The following COLEC10 variants were observed in gnomAD, a reference collection of about 807,000 sequenced individuals.
The protein encoded by COLEC10 is collectin-10.
A neutral mutation model predicts 28.4 loss-of-function variants in COLEC10; 22 were observed. That is an observed-to-expected ratio of 0.78 (90% CI 0.55 to 1.11). The LOEUF is 1.11. COLEC10 is among the 50% of genes least tolerant of loss of function. The probability of loss-of-function intolerance (pLI) is 0.00; values close to 1 mark genes in which losing one functional copy is unlikely to be tolerated. For missense variants in COLEC10, 361 were observed against 344.1 expected (o/e 1.05, Z -0.39); for synonymous variants, 125 against 116.1 (o/e 1.08, Z -0.49).
chr8:119,023,816 A>G (rs1016151286), intron 2 of COLEC10, among the ~76,000 whole-genome samples: 1 of 152,200 alleles, frequency 6.6e-6, no homozygotes, highest in Admixed American at 6.6e-5. Flanking sequence ...ATTTGAAATC[A>G]GAGGAATAGA....
At chr8:119,037,853 A>T (rs968081827) in intron 2 of COLEC10, among the ~76,000 whole-genome samples, 1 of 152,218 alleles carries the variant, frequency 6.6e-6, no homozygotes, top group African/African-American at 2.4e-5. Flanking sequence ...TCATTCTATA[A>T]AAGCAATAAT....
intron 2 of COLEC10, among the ~76,000 whole-genome samples, chr8:119,029,520 A>G (rs533087618): frequency 2.0e-5 from 3 of 152,286 alleles, no homozygotes; most frequent in African/African-American, 7.2e-5. Flanking sequence ...ACACAAAACA[A>G]TAAGTGTAAA....
the COLEC10 span, among the ~76,000 whole-genome samples, chr8:118,974,116 T>C: frequency 2.0e-5 from 3 of 151,966 alleles, no homozygotes; most frequent in African/African-American, 7.2e-5. Flanking sequence ...TTCTAGTCTA[T>C]GCTATCTATA....
intron 1 of COLEC10, among the ~76,000 whole-genome samples, chr8:119,005,061 A>G (rs898314349): frequency 1.3e-5 from 2 of 152,224 alleles, no homozygotes; most frequent in East Asian, 3.9e-4. Flanking sequence ...GATAAAATCT[A>G]AAATATTTTT....
chr8:119,101,370 A>G (rs966257388), intron 3 of COLEC10, among the ~76,000 whole-genome samples: 1 of 152,168 alleles, frequency 6.6e-6, no homozygotes, highest in African/African-American at 2.4e-5. Context: ...AACCTCAGCC[A>G]AACATTTCTT....
At chr8:118,958,613 CAAA>C in the COLEC10 span, among the ~76,000 whole-genome samples, 1 of 152,196 alleles carries the variant, frequency 6.6e-6, no homozygotes, top group African/African-American at 2.4e-5. Flanking sequence ...TACGTTTACA[CAAA>C]TTTAGCATTC....
chr8:118,993,794 C>T (rs1253272192), upstream of COLEC10, among the ~76,000 whole-genome samples: 1 of 152,162 alleles, frequency 6.6e-6, no homozygotes, highest in Non-Finnish European at 1.5e-5. Flanking sequence ...AATATAGTCA[C>T]ATTCTGAGAT....
At position 119,107,661 on chromosome 8, in the gene COLEC10, G is replaced by A. The variant is rs1181770939; in HGVS notation, c.*1470G>A. ...GGCCATAAACTCAGATCCTACAGGG[G>A]CCAGGCAGATGACTTACCTAAATGA... On this transcript the variant is annotated 3_prime_UTR_variant, in exon 6 of 6. Transcript: ENST00000332843. 1.3e-5 allele frequency among the ~76,000 whole-genome samples: 2 copies of A among 152,134 alleles called. No individual in the cohort carries two copies. Among genetic ancestry groups the A allele is most frequent in the Admixed American group, 1.3e-4 (2 of 15,250 alleles).
intron 3 of COLEC10, among the ~76,000 whole-genome samples, chr8:119,091,804 A>G (rs1045367545): frequency 3.9e-5 from 6 of 152,188 alleles, no homozygotes; most frequent in African/African-American, 1.4e-4. Context: ...AAATGAAACA[A>G]GATGGCAGAA....
chr8:119,007,288 A>G (rs1254597822), intron 1 of COLEC10, among the ~76,000 whole-genome samples: 5 of 152,156 alleles, frequency 3.3e-5, no homozygotes, highest in African/African-American at 4.8e-5. Flanking sequence ...GACTTTGGAT[A>G]GAACCTACAT....
chr8:118,979,553 T>C, the COLEC10 span, among the ~76,000 whole-genome samples: 2,377 of 152,154 alleles, frequency 0.016, 63 homozygotes, highest in African/African-American at 0.054. Flanking sequence ...CTCTGATATG[T>C]TTGTAAACAT....
the COLEC10 span, among the ~76,000 whole-genome samples, chr8:118,980,469 A>T: frequency 6.6e-6 from 1 of 152,206 alleles, no homozygotes; most frequent in East Asian, 1.9e-4. Flanking sequence ...CTAGGATTAC[A>T]GGCGTGAACC....
intron 2 of COLEC10, among the ~76,000 whole-genome samples, chr8:119,052,950 G>T (rs1404498979): frequency 1.3e-5 from 2 of 152,136 alleles, no homozygotes; most frequent in African/African-American, 4.8e-5. Context: ...GAACCAAGAA[G>T]AGAGGGGAAG....
At chr8:118,980,678 A>G in the COLEC10 span, among the ~76,000 whole-genome samples, 1 of 152,084 alleles carries the variant, frequency 6.6e-6, no homozygotes, top group East Asian at 1.9e-4. Flanking sequence ...ATGTTGTTCA[A>G]GATAGTACCA....
chr8:119,037,991 T>G (rs940275258), intron 2 of COLEC10, among the ~76,000 whole-genome samples: 1 of 152,206 alleles, frequency 6.6e-6, no homozygotes, highest in African/African-American at 2.4e-5. Flanking sequence ...TGACACATAA[T>G]AGAGGCTCAA....
chr8:118,976,767 A>G, the COLEC10 span: 1 of 152,212 alleles, frequency 6.6e-6, no homozygotes, highest in South Asian at 2.1e-4. Flanking sequence ...ATTAAACTAA[A>G]GAGCTTCTGC....
chr8:119,103,869 A>G lies in COLEC10; in HGVS notation c.416A>G (p.Lys139Arg), dbSNP rs1212646836. ...GQLDISIARL[K>R]TSMKFVKNVI... ...CTGGATATTAGTATTGCTCGGCTCAAGACATCTATGAAGTTTGTCAAGAAT... is the reference window on the plus strand; with the variant it reads ...CTGGATATTAGTATTGCTCGGCTCAGGACATCTATGAAGTTTGTCAAGAAT... The change falls in exon 5 of 6, where the codon AAG becomes AGG. Residue 139 changes from lysine (K) to arginine (R), a missense_variant. By Grantham distance (26) the Lys-to-Arg change is conservative (BLOSUM62 2). Around this residue, in one of 3 missense-constraint regions of COLEC10, gnomAD observed 335 missense variants for 308.5 expected, o/e 1.09. Coordinates refer to ENST00000332843, the MANE Select transcript of COLEC10 (RefSeq NM_006438.5). 1 of 1,611,894 alleles carries G rather than the reference A, an allele frequency of 6.2e-7. No homozygotes were observed. The highest frequency in any genetic ancestry group is 8.5e-7 in the Non-Finnish European group (1 of 1,178,346).
chr8:119,091,026 A>C, intron 2 of COLEC10, 123 bp from the exon 3 acceptor site: 1 of 742,836 alleles, frequency 1.3e-6, no homozygotes, highest in Non-Finnish European at 2.4e-6. Context: ...CATGGGATAT[A>C]TATTAGATAT....
Position 119,106,160 on chromosome 8 carries a change from TTGTC to T in COLEC10, c.807_810del (p.Cys270SerfsTer33), listed in dbSNP as rs774743364. ...ACAGAGTGCCATCTTACCATGTACT[TTGTC>T]TGTGAGTTCATCAAGAAGAAAAAGT... is the stretch of plus-strand genomic sequence containing the variant. On this transcript the variant is annotated frameshift_variant, in exon 6 of 6. Coordinates refer to ENST00000332843, the MANE Select transcript of COLEC10 (RefSeq NM_006438.5). LOFTEE classifies it high-confidence loss of function. The T allele has an allele frequency of 9.3e-6, 15 of 1,604,780 alleles. No homozygotes were observed. Among genetic ancestry groups the T allele is most frequent in the African/African-American group, 2.7e-5 (2 of 74,844 alleles).
Sources: allele counts gnomAD v4.1 joint callset (sites outside exome capture counted in the v4.1 genomes callset), GRCh38; gene constraint gnomAD v4.1.1; regional missense constraint gnomAD v4.1.1; transcripts MANE v1.5; gene names NCBI Gene and HGNC (gene_info 2026-07-23, HGNC 2026-07-21).